The following SEPTIN11 variants were observed in gnomAD, a reference collection of about 807,000 sequenced individuals.
The protein encoded by SEPTIN11 is septin-11.
SEPTIN11 carries 25 observed loss-of-function variants against 51.4 expected under a neutral mutation model. The observed-to-expected ratio is 0.49, with a 90% CI of 0.35 to 0.68. The LOEUF (loss-of-function observed/expected upper bound fraction) is 0.68, where lower values mean the gene tolerates loss of function less well. Among genes scored for constraint, SEPTIN11 ranks in the 30% least tolerant of loss-of-function variants. SEPTIN11 has a pLI of 0.00. For missense variants in SEPTIN11, 381 were observed against 520.8 expected (o/e 0.73, Z 2.61); for synonymous variants, 174 against 184.1 (o/e 0.95, Z 0.44).
chr4:76,992,397 A>C lies in SEPTIN11; in HGVS notation c.28-4028A>C, dbSNP rs1287542579. On this transcript the variant is annotated intron_variant, in intron 1 of 9. Coordinates refer to ENST00000264893, the MANE Select transcript of SEPTIN11 (RefSeq NM_018243.4). ...CTGGGAACTTAATATTCAGTTCATG[A>C]GATAAATTTCAGTTTCATGAGATAG... 2.0e-5 allele frequency among the ~76,000 whole-genome samples: 3 copies of C among 152,202 alleles called. No individual in the cohort carries two copies. In the East Asian group the frequency reaches 5.8e-4, roughly 29 times the overall value.
chr4:76,976,705 T>C (rs1406393986), intron 1 of SEPTIN11, among the ~76,000 whole-genome samples: 4 of 152,208 alleles, frequency 2.6e-5, no homozygotes, highest in Non-Finnish European at 5.9e-5. Context: ...ATACCTCTAG[T>C]GAGGTTTTAT....
At chr4:77,040,100 A>G (rs1191450685), downstream of SEPTIN11, 1 of 152,222 alleles carries the variant, frequency 6.6e-6, no homozygotes, top group East Asian at 1.9e-4. Flanking sequence ...GGTGTTGGGT[A>G]GATGACTTTT....
intron 1 of SEPTIN11, among the ~76,000 whole-genome samples, chr4:76,968,679 C>G (rs1722125808): frequency 6.6e-6 from 1 of 152,028 alleles, no homozygotes; most frequent in Admixed American, 6.5e-5. Flanking sequence ...TTTTAAGAAG[C>G]AAAAAGCCAG....
chr4:77,037,849 G>C lies in SEPTIN11; in HGVS notation c.*3337G>C. On this transcript the variant is annotated 3_prime_UTR_variant, in exon 10 of 10. Transcript: ENST00000264893. ...ATTTCAACAATGGGAATTATTTAATGTAACAGTGGGCACAGATTACTTATC... is the reference window on the plus strand; with the variant it reads ...ATTTCAACAATGGGAATTATTTAATCTAACAGTGGGCACAGATTACTTATC... 1.0e-6 allele frequency: 1 copy of C among 985,884 alleles called. No homozygotes were observed. The highest frequency in any genetic ancestry group is 1.2e-6 in the Non-Finnish European group (1 of 829,942). The allele number at this position is 985,884 out of a possible 1,614,324, so 61.1% of individuals were successfully genotyped here.
intron 1 of SEPTIN11, among the ~76,000 whole-genome samples, chr4:76,964,448 G>A (rs1315006440): frequency 6.6e-6 from 1 of 152,028 alleles, no homozygotes; most frequent in Non-Finnish European, 1.5e-5. Flanking sequence ...CAAATAACAG[G>A]CACTGTCTGA....
chr4:76,960,760 ACACCATG>A (rs1477443473), intron 1 of SEPTIN11, among the ~76,000 whole-genome samples: 1 of 152,218 alleles, frequency 6.6e-6, no homozygotes, highest in Non-Finnish European at 1.5e-5. Context: ...GCCCCAGCTA[ACACCATG>A]CATGAGTGAC....
intron 1 of SEPTIN11, among the ~76,000 whole-genome samples, chr4:76,990,565 T>C (rs1230627415): frequency 6.6e-6 from 1 of 152,170 alleles, no homozygotes; most frequent in African/African-American, 2.4e-5. Context: ...TAGATTATCA[T>C]AGGAGCCTGA....
chr4:76,998,769 C>A (rs1723913761), intron 2 of SEPTIN11, among the ~76,000 whole-genome samples: 1 of 152,078 alleles, frequency 6.6e-6, no homozygotes, highest in African/African-American at 2.4e-5. Flanking sequence ...TGACAGCAGT[C>A]TGGCTCTGTC....
At chr4:77,003,965 T>C (rs1408940338) in intron 2 of SEPTIN11, among the ~76,000 whole-genome samples, 2 of 152,010 alleles carry the variant, frequency 1.3e-5, no homozygotes, top group African/African-American at 4.8e-5. Flanking sequence ...AATTGAAAAA[T>C]TTTCCAGATT....
At chr4:77,015,114 C>G in intron 5 of SEPTIN11, 97 bp downstream of exon 5, 1 of 1,187,048 alleles carries the variant, frequency 8.4e-7, no homozygotes, top group Non-Finnish European at 1.2e-6. Context: ...TGACTAGGAA[C>G]CTGATGACTT....
rs116981583 is a variant in SEPTIN11 at position 76,950,910 on chromosome 4, C to T, written c.27+980C>T. ...GGAGTCCTCCTGTTTTCCCTTTCCCCTTTTCATCGTCGATGTTCACAGTCC... is the reference window on the plus strand; with the variant it reads ...GGAGTCCTCCTGTTTTCCCTTTCCCTTTTTCATCGTCGATGTTCACAGTCC... On this transcript the variant is annotated intron_variant, in intron 1 of 9. Coordinates refer to ENST00000264893, the MANE Select transcript of SEPTIN11 (RefSeq NM_018243.4). Among the ~76,000 whole-genome samples the T allele has an allele frequency of 6.6e-4, 100 of 152,294 alleles. 2 individuals carry two copies. The East Asian group carries it at 0.016, about 24-fold the overall frequency.
At chr4:77,025,868 G>T (rs1366587903) in intron 7 of SEPTIN11, among the ~76,000 whole-genome samples, 2 of 152,138 alleles carry the variant, frequency 1.3e-5, no homozygotes, top group Non-Finnish European at 2.9e-5. Flanking sequence ...AGCATTTGTT[G>T]AGCCCATTTG....
chr4:77,020,259 C>G (rs1725604838), intron 6 of SEPTIN11, among the ~76,000 whole-genome samples: 1 of 152,144 alleles, frequency 6.6e-6, no homozygotes, highest in African/African-American at 2.4e-5. Flanking sequence ...CAAGCTCCTC[C>G]CTCTGTGCTC....
Position 77,034,503 on chromosome 4 carries a change from C to A in SEPTIN11, c.1281C>A (p.Ser427Arg). The part of the protein sequence containing the change: ...TKKDKDKKNA[S>R]FT The stretch of plus-strand genomic sequence containing the variant: ...TTTGTTTTTTAACTTGCAGTGCAAG[C>A]TTCACATAAAGCCTGGCAAGCCAAG... Residue 427 changes from serine to arginine, a missense_variant, in exon 10 of 10, where the codon AGC becomes AGA. Ser to Arg is a moderately radical substitution (Grantham distance 110). Coordinates refer to ENST00000264893, the MANE Select transcript of SEPTIN11 (RefSeq NM_018243.4). 6.4e-7 allele frequency: 1 copy of A among 1,564,468 alleles called. No individual in the cohort carries two copies.
At chr4:77,006,714 C>T (rs1032377803) in intron 3 of SEPTIN11, among the ~76,000 whole-genome samples, 1 of 152,118 alleles carries the variant, frequency 6.6e-6, no homozygotes. Context: ...ACAGCTCAGA[C>T]ACTTTGCTTG....
chr4:76,981,472 T>G (rs961150085), intron 1 of SEPTIN11, among the ~76,000 whole-genome samples: 3 of 152,242 alleles, frequency 2.0e-5, no homozygotes, highest in Admixed American at 6.5e-5. Flanking sequence ...TCTGCTTTCC[T>G]AAGCACAACA....
rs767613628 is a variant in SEPTIN11, at chr4:77,018,374, G to A, written c.688-791G>A. Among the ~76,000 whole-genome samples, 11 of 151,958 alleles carry A rather than the reference G, an allele frequency of 7.2e-5. No individual in the cohort carries two copies. In the South Asian group the frequency reaches 8.3e-4, roughly 12 times the overall value. ...TGAGGCAGGAGAATGGCGTGAACCC[G>A]GAGGGCAGAGCTTGCAGTGAGCCGA... On this transcript the variant is annotated intron_variant, in intron 5 of 9. Transcript: ENST00000264893.
At position 77,035,767 on chromosome 4, in the gene SEPTIN11, C is replaced by A. The variant is rs757901905; in HGVS notation, c.*1255C>A. 1.8e-5 allele frequency: 18 copies of A among 985,718 alleles called. No individual in the cohort carries two copies. The highest frequency in any genetic ancestry group is 2.2e-5 in the Non-Finnish European group (18 of 829,930). 61.1% of individuals were successfully genotyped at this position (985,718 alleles called of 1,614,324 possible). ...TCAGGGATTAGAACTGGCCCATATG[C>A]CAGAACCTGTACTAAATGCCTAATT... On this transcript the variant is annotated 3_prime_UTR_variant, in exon 10 of 10. Coordinates refer to ENST00000264893, the MANE Select transcript of SEPTIN11 (RefSeq NM_018243.4).
rs1461378218 is a variant in SEPTIN11 at position 76,969,256 on chromosome 4, T to C, written c.27+19326T>C. On this transcript the variant is annotated intron_variant, in intron 1 of 9. Coordinates refer to ENST00000264893, the MANE Select transcript of SEPTIN11 (RefSeq NM_018243.4). ...TGAGGATCTGGGACTCTTGAACACATTGTCTTGTTGTAATCGTATCCTAAT... is the reference window on the plus strand; with the variant it reads ...TGAGGATCTGGGACTCTTGAACACACTGTCTTGTTGTAATCGTATCCTAAT... Among the ~76,000 whole-genome samples, 6 of 152,322 alleles carry C rather than the reference T, an allele frequency of 3.9e-5. No homozygotes were observed. The East Asian group carries it at 1.2e-3, about 29-fold the overall frequency.
Sources: gnomAD v4.1 joint callset for allele counts (sites outside exome capture counted in the v4.1 genomes callset) on GRCh38, gnomAD v4.1.1 for gene constraint, MANE v1.5 for transcripts, NCBI Gene and HGNC (gene_info 2026-07-23, HGNC 2026-07-21) for gene names.